THSD7A: variants seen among roughly 807,000 people sequenced by gnomAD.
THSD7A encodes thrombospondin type 1 domain containing 7A.
THSD7A carries 96 observed loss-of-function variants against 231.3 expected under a neutral mutation model. The ratio of observed to expected loss-of-function variants is 0.41; its 90% CI spans 0.35 to 0.49. The LOEUF (loss-of-function observed/expected upper bound fraction) is 0.49, where lower values mean the gene tolerates loss of function less well. Among genes scored for constraint, THSD7A ranks in the 20% least tolerant of loss-of-function variants. THSD7A has a pLI of 0.05. For synonymous variants in THSD7A, 940 were observed against 743.3 expected, an observed-to-expected ratio of 1.26 and a Z score of -4.30; for missense variants, 2,290 against 2,070.2, an observed-to-expected ratio of 1.11 and a Z score of -2.06.
chr7:11,569,954 T>C (rs2128334125), intron 4 of THSD7A, among the ~76,000 whole-genome samples: 1 of 152,214 alleles, frequency 6.6e-6, no homozygotes, highest in East Asian at 1.9e-4. Context: ...GGTAGATCAC[T>C]TGAGCCTAGG....
intron 4 of THSD7A, among the ~76,000 whole-genome samples, chr7:11,588,224 G>A (rs1779997975): frequency 6.6e-6 from 1 of 152,092 alleles, no homozygotes; most frequent in Non-Finnish European, 1.5e-5. Context: ...CATATTTATA[G>A]ACTTCGCATG....
intron 1 of THSD7A, among the ~76,000 whole-genome samples, chr7:11,638,151 T>C (rs2526100): frequency 0.15 from 22,658 of 152,138 alleles, 1,810 homozygotes; most frequent in Admixed American, 0.21. Context: ...TTTATTCACA[T>C]GGGGATTATG....
intron 2 of THSD7A, among the ~76,000 whole-genome samples, chr7:11,612,363 A>T (rs889335942): frequency 6.6e-6 from 1 of 152,206 alleles, no homozygotes; most frequent in South Asian, 2.1e-4. Context: ...TCTCCTCATT[A>T]GGTACAAATA....
intron 6 of THSD7A, chr7:11,520,055 C>A (rs763356199): frequency 2.6e-5 from 4 of 152,112 alleles, no homozygotes; most frequent in African/African-American, 4.8e-5. Flanking sequence ...TTATTAGAAC[C>A]CTTTGTATCC....
chr7:11,495,939 A>T (rs76705307), intron 6 of THSD7A, among the ~76,000 whole-genome samples: 2,223 of 152,264 alleles, frequency 0.015, 60 homozygotes, highest in African/African-American at 0.05. Context: ...CTGGGAAGTC[A>T]ATGGAAAGAA....
intron 4 of THSD7A, among the ~76,000 whole-genome samples, chr7:11,578,694 G>C (rs1791025744): frequency 1.3e-5 from 2 of 152,160 alleles, no homozygotes; most frequent in South Asian, 4.1e-4. Flanking sequence ...CTTGTAATTT[G>C]AAAAATATTC....
chr7:11,440,375 A>G (rs1562610793), intron 13 of THSD7A, among the ~76,000 whole-genome samples: 1 of 152,068 alleles, frequency 6.6e-6, no homozygotes, highest in Non-Finnish European at 1.5e-5. Context: ...CCAAAGAGTA[A>G]TTCTGACTTA....
intron 15 of THSD7A, among the ~76,000 whole-genome samples, chr7:11,425,541 GT>G (rs1784289826): frequency 6.6e-6 from 1 of 152,052 alleles, no homozygotes; most frequent in Non-Finnish European, 1.5e-5. Context: ...CACATTTGGG[GT>G]GGTATGCTTG....
chr7:11,638,174 T>G (rs934311934), intron 1 of THSD7A, among the ~76,000 whole-genome samples: 1 of 152,194 alleles, frequency 6.6e-6, no homozygotes, highest in Non-Finnish European at 1.5e-5. Context: ...TAAGATTATG[T>G]CTGCAAGAGG....
At chr7:11,672,381 A>C (rs1584187034) in intron 1 of THSD7A, among the ~76,000 whole-genome samples, 1 of 152,030 alleles carries the variant, frequency 6.6e-6, no homozygotes. Context: ...AAATTGTCTA[A>C]TTTGATATCT....
intron 4 of THSD7A, among the ~76,000 whole-genome samples, chr7:11,567,437 G>C (rs1258360665): frequency 1.3e-5 from 2 of 152,138 alleles, no homozygotes; most frequent in Non-Finnish European, 1.5e-5. Context: ...GGAGATTAGG[G>C]GGATTACAGT....
At chr7:11,468,572 G>T (rs1785802744) in intron 9 of THSD7A, among the ~76,000 whole-genome samples, 1 of 152,116 alleles carries the variant, frequency 6.6e-6, no homozygotes, top group Admixed American at 6.6e-5. Context: ...AGTGGCTCGT[G>T]CCTGTAATCT....
intron 18 of THSD7A, 129 bp downstream of exon 18, chr7:11,412,527 T>C: frequency 9.1e-7 from 1 of 1,095,516 alleles, no homozygotes; most frequent in Non-Finnish European, 1.3e-6. Flanking sequence ...TATGTAATTA[T>C]TTCTGGGAAA....
intron 1 of THSD7A, among the ~76,000 whole-genome samples, chr7:11,805,862 T>C (rs1372460450): frequency 6.6e-6 from 1 of 152,154 alleles, no homozygotes; most frequent in East Asian, 1.9e-4. Flanking sequence ...CATATATATG[T>C]CTCAATATTT....
intron 5 of THSD7A, among the ~76,000 whole-genome samples, chr7:11,542,647 T>C (rs1405247899): frequency 6.6e-6 from 1 of 152,152 alleles, no homozygotes; most frequent in Non-Finnish European, 1.5e-5. Context: ...GTTAGTTAAC[T>C]TATCTAAACA....
intron 16 of THSD7A, among the ~76,000 whole-genome samples, chr7:11,419,209 A>G (rs567413116): frequency 4.6e-5 from 7 of 152,244 alleles, no homozygotes; most frequent in African/African-American, 1.7e-4. Context: ...ATTTCTCTTG[A>G]TATGATTTGG....
intron 1 of THSD7A, among the ~76,000 whole-genome samples, chr7:11,819,790 G>A (rs1784814083): frequency 6.6e-6 from 1 of 152,174 alleles, no homozygotes; most frequent in Non-Finnish European, 1.5e-5. Flanking sequence ...AATCCAAAGA[G>A]TGAATCCTAA....
At chr7:11,529,006 A>G (rs1200772487) in intron 6 of THSD7A, among the ~76,000 whole-genome samples, 1 of 152,158 alleles carries the variant, frequency 6.6e-6, no homozygotes, top group Non-Finnish European at 1.5e-5. Flanking sequence ...ATTTCTGCCC[A>G]CAGTCAGTAG....
chr7:11,539,315 T>C (rs146957429), intron 6 of THSD7A, among the ~76,000 whole-genome samples: 2 of 152,340 alleles, frequency 1.3e-5, no homozygotes, highest in East Asian at 3.9e-4. Context: ...TTCTTGATTT[T>C]ATACATCCAT....
Sources: allele counts gnomAD v4.1 joint callset (sites outside exome capture counted in the v4.1 genomes callset), GRCh38; gene constraint gnomAD v4.1.1; transcripts MANE v1.5; gene names NCBI Gene and HGNC (gene_info 2026-07-23, HGNC 2026-07-21).